PTH2R: variants seen among roughly 807,000 people sequenced by gnomAD.
PTH2R encodes parathyroid hormone 2 receptor.
A neutral mutation model predicts 60.3 loss-of-function variants in PTH2R; 59 were observed. The observed-to-expected ratio is 0.98, with a 90% confidence interval of 0.79 to 1.22. The LOEUF (loss-of-function observed/expected upper bound fraction) is 1.22, where lower values mean the gene tolerates loss of function less well. Ranked by LOEUF, PTH2R falls within the 50% of genes most tolerant of loss-of-function variation. The probability of loss-of-function intolerance (pLI) is 0.00; values close to 1 mark genes in which losing one functional copy is unlikely to be tolerated. For synonymous variants in PTH2R, 256 were observed against 243.8 expected, an observed-to-expected ratio of 1.05 and a Z score of -0.47; for missense variants, 749 against 682.6, an observed-to-expected ratio of 1.10 and a Z score of -1.08.
intron 8 of PTH2R, among the ~76,000 whole-genome samples, chr2:208,451,019 G>C (rs1574885267): frequency 6.6e-6 from 1 of 152,080 alleles, no homozygotes; most frequent in African/African-American, 2.4e-5. Flanking sequence ...TCGCAGACTA[G>C]ATGAAGGTGC....
rs34110985 is a variant in PTH2R, at chr2:208,369,366, C to CTTTTTTTT, written c.-259+9130_-259+9131insTTTTTTTT. On this transcript the variant is annotated intron_variant, in intron 1 of 12. Coordinates refer to the PTH2R transcript ENST00000617735. ...TTGTCTGTAAACAACACTGGTCTCT[C>CTTTTTTTT]TCTCTTTTTTTTTTTTTTTAGAAGG... 5.7e-3 allele frequency among the ~76,000 whole-genome samples: 764 copies of CTTTTTTTT among 134,964 alleles called. 19 individuals carry two copies. The highest frequency in any genetic ancestry group is 0.02 in the African/African-American group (710 of 34,798). 88.5% of individuals were successfully genotyped at this position (134,964 alleles called of 152,430 possible).
intron 10 of PTH2R, among the ~76,000 whole-genome samples, chr2:208,482,989 G>A (rs770551649): frequency 2.0e-4 from 31 of 152,150 alleles, no homozygotes; most frequent in Non-Finnish European, 3.2e-4. Context: ...GTCCAACCTG[G>A]CATTGTCTTT....
chr2:208,417,239 G>T (rs1701657868), intron 1 of PTH2R, among the ~76,000 whole-genome samples: 1 of 152,060 alleles, frequency 6.6e-6, no homozygotes, highest in South Asian at 2.1e-4. Flanking sequence ...CTCTCGAAAT[G>T]CATTAAGGAT....
chr2:208,362,676 T>G (rs55714573), intron 1 of PTH2R, among the ~76,000 whole-genome samples: 1 of 152,372 alleles, frequency 6.6e-6, no homozygotes, highest in Non-Finnish European at 1.5e-5. Context: ...CTGAGTTCTT[T>G]TGGGTAAATA....
chr2:208,476,345 C>T lies in PTH2R; in HGVS notation c.982-4725C>T, dbSNP rs539598097. Among the ~76,000 whole-genome samples the T allele has an allele frequency of 9.5e-4, 144 of 152,152 alleles. 1 individual carries two copies. The highest frequency in any genetic ancestry group is 2.5e-3 in the South Asian group (12 of 4,818). On this transcript the variant is annotated intron_variant, in intron 9 of 12. Coordinates refer to ENST00000272847, the MANE Select transcript of PTH2R (RefSeq NM_005048.4). ...AATTATAAATACCAAATTGATTTTT[C>T]CCCCAGAGAAAAATCTCCCCTTCAG...
At chr2:208,473,920 AG>A (rs1702939458) in intron 9 of PTH2R, among the ~76,000 whole-genome samples, 2 of 152,138 alleles carry the variant, frequency 1.3e-5, no homozygotes, top group Admixed American at 1.3e-4. Context: ...TTAGAATTAT[AG>A]GGTTTTGGAG....
At chr2:208,445,763 GAAGTA>G (rs1287096789) in intron 7 of PTH2R, among the ~76,000 whole-genome samples, 1 of 152,052 alleles carries the variant, frequency 6.6e-6, no homozygotes, top group African/African-American at 2.4e-5. Context: ...ACTGAAATGT[GAAGTA>G]AAGAATGCTG....
upstream of PTH2R, among the ~76,000 whole-genome samples, chr2:208,406,623 G>C (rs1486867436): frequency 6.6e-6 from 1 of 152,150 alleles, no homozygotes; most frequent in Non-Finnish European, 1.5e-5. Context: ...CGAATCGGGG[G>C]TGGCGGCAGC....
intron 1 of PTH2R, among the ~76,000 whole-genome samples, chr2:208,375,672 T>G (rs1221273701): frequency 6.6e-6 from 1 of 152,040 alleles, no homozygotes; most frequent in East Asian, 1.9e-4. Context: ...TGTGAGGTGA[T>G]GTGATGTGAT....
chr2:208,473,610 A>C (rs567107514), intron 9 of PTH2R, among the ~76,000 whole-genome samples: 1 of 152,290 alleles, frequency 6.6e-6, no homozygotes, highest in South Asian at 2.1e-4. Context: ...ATTGCATTTT[A>C]CTTACTAGCT....
Position 208,493,313 on chromosome 2 carries a change from A to T in PTH2R, c.1307A>T (p.Asp436Val). Residue 436 changes from aspartate to valine, a missense_variant, in exon 13 of 13, where the codon GAC becomes GTC. Coordinates refer to ENST00000272847, the MANE Select transcript of PTH2R (RefSeq NM_005048.4). The stretch of plus-strand genomic sequence containing the variant: ...TGGAGTCGGTGGAACCTCTCCGTGG[A>T]CTGGAAAAGGACACCGCCATGTGGC... The part of the protein sequence containing the change: ...KMWSRWNLSV[D>V]WKRTPPCGSR... 6.5e-7 allele frequency: 1 copy of T among 1,536,464 alleles called. No individual in the cohort carries two copies. Among genetic ancestry groups the T allele is most frequent in the South Asian group, 1.3e-5 (1 of 79,132 alleles).
rs1362860380 is a variant in PTH2R at position 208,377,810 on chromosome 2, C to T, written c.-259+17573C>T. On this transcript the variant is annotated intron_variant, in intron 1 of 12. Coordinates refer to the PTH2R transcript ENST00000617735. ...GCAGAGGCGCTTCCCGCATCTCAGA[C>T]GATGGGCGGCCGGGCAGAGACGCTC... Among the ~76,000 whole-genome samples the T allele has an allele frequency of 7.4e-5, 11 of 149,486 alleles. 1 individual carries two copies. The highest frequency in any genetic ancestry group is 1.0e-4 in the African/African-American group (4 of 40,118).
intron 8 of PTH2R, among the ~76,000 whole-genome samples, chr2:208,457,144 A>T (rs1702531264): frequency 1.3e-5 from 2 of 152,252 alleles, no homozygotes; most frequent in Admixed American, 6.5e-5. Flanking sequence ...TGTAGCTTAG[A>T]TCTTGGCTAA....
chr2:208,426,205 G>A lies in PTH2R; in HGVS notation c.76-1996G>A, dbSNP rs529900369. On this transcript the variant is annotated intron_variant, in intron 1 of 12. Coordinates refer to ENST00000272847, the MANE Select transcript of PTH2R (RefSeq NM_005048.4). ...AATAAAGTACAAATTACCAAAGTAG[G>A]GCTTCTCTTAGCTATCAAATATGTG... 2.6e-5 allele frequency among the ~76,000 whole-genome samples: 4 copies of A among 152,142 alleles called. No individual in the cohort carries two copies. In the South Asian group the frequency reaches 8.3e-4, roughly 32 times the overall value.
intron 10 of PTH2R, among the ~76,000 whole-genome samples, 161 bp downstream of exon 10, chr2:208,481,325 C>T (rs1194414371): frequency 6.7e-6 from 1 of 149,760 alleles, no homozygotes; most frequent in East Asian, 2.0e-4. Context: ...ATTCTCATGC[C>T]TCAGCCTCCC....
At chr2:208,387,749 ATTATTCT>A (rs1701028446) in intron 1 of PTH2R, among the ~76,000 whole-genome samples, 1 of 152,228 alleles carries the variant, frequency 6.6e-6, no homozygotes, top group South Asian at 2.1e-4. Context: ...TCTTTAGGTG[ATTATTCT>A]TTGAAGTGCA....
At chr2:208,404,951 C>G (rs1701374666), upstream of PTH2R, among the ~76,000 whole-genome samples, 1 of 152,174 alleles carries the variant, frequency 6.6e-6, no homozygotes, top group East Asian at 1.9e-4. Flanking sequence ...GAATGGTATT[C>G]CACCCTGGAT....
chr2:208,399,984 A>T (rs1701278176), intron 1 of PTH2R, among the ~76,000 whole-genome samples: 1 of 151,616 alleles, frequency 6.6e-6, no homozygotes, highest in Admixed American at 6.6e-5. Context: ...ACTGATACTC[A>T]CCCTGTCTCT....
rs750223299 is a variant in PTH2R, at chr2:208,459,874, A to G, written c.915-21A>G. ...TTTGCTTTGCCAATTTATTCATGAC[A>G]GCTTTTTTTCAATGTCTCAGGTGCT... On this transcript the variant is annotated intron_variant, in intron 8 of 12. Transcript: ENST00000272847. 230 of 1,610,172 alleles carry G rather than the reference A, an allele frequency of 1.4e-4. 6 individuals carry two copies. In the East Asian group the frequency reaches 5.0e-3, roughly 35 times the overall value.
Sources: allele counts gnomAD v4.1 joint callset (sites outside exome capture counted in the v4.1 genomes callset), GRCh38; gene constraint gnomAD v4.1.1; transcripts MANE v1.5; gene names NCBI Gene and HGNC (gene_info 2026-07-23, HGNC 2026-07-21).